DDR2: variants seen among roughly 807,000 people sequenced by gnomAD.
DDR2 encodes discoidin domain-containing receptor 2.
In DDR2, 27 loss-of-function variants were observed where a neutral mutation model predicts 94.9. The ratio of observed to expected loss-of-function variants is 0.28; its 90% CI spans 0.21 to 0.39. The LOEUF is 0.39. DDR2 is among the 10% of genes least tolerant of loss of function. The pLI is 1.00. For missense variants in DDR2, 783 were observed against 1,076.0 expected, an observed-to-expected ratio of 0.73 and a Z score of 3.81; for synonymous variants, 382 against 377.2, an observed-to-expected ratio of 1.01 and a Z score of -0.15.
intron 3 of DDR2, among the ~76,000 whole-genome samples, chr1:162,727,022 AAT>A (rs1661705235): frequency 6.8e-6 from 1 of 147,938 alleles, no homozygotes; most frequent in Admixed American, 6.8e-5. Context: ...AAACAAATAT[AAT>A]ATATATGATA....
Position 162,682,319 on chromosome 1 carries a change from A to G in DDR2, c.-28+26945A>G, listed in dbSNP as rs116766648. On this transcript the variant is annotated intron_variant, in intron 2 of 17. Transcript: ENST00000367921. ...TTTTCTGCCTAAAACTTCTAGGATG[A>G]TAAGGAGAGCACTATTACCCACTGC... Among the ~76,000 whole-genome samples the G allele has an allele frequency of 8.5e-3, 1,297 of 152,268 alleles. 17 individuals carry two copies. Among genetic ancestry groups the G allele is most frequent in the African/African-American group, 0.03 (1,236 of 41,566 alleles).
intron 2 of DDR2, among the ~76,000 whole-genome samples, chr1:162,711,259 A>G (rs554623550): frequency 6.6e-6 from 1 of 152,308 alleles, no homozygotes; most frequent in South Asian, 2.1e-4. Context: ...CAAGGGATGA[A>G]TTACTTTGTA....
chr1:162,672,181 G>T (rs1168620877), intron 2 of DDR2, among the ~76,000 whole-genome samples: 1 of 152,164 alleles, frequency 6.6e-6, no homozygotes, highest in Middle Eastern at 3.2e-3. Flanking sequence ...TTACCAGCTT[G>T]GTAACTGGAA....
chr1:162,727,949 C>G (rs1661778425), intron 3 of DDR2, among the ~76,000 whole-genome samples: 2 of 76,778 alleles, frequency 2.6e-5, no homozygotes, highest in Non-Finnish European at 6.0e-5. Context: ...TCGACAATCA[C>G]ACTATATATA....
At position 162,767,209 on chromosome 1, in the gene DDR2, C is replaced by T. The variant is rs760653949; in HGVS notation, c.1163-20C>T. 6.2e-7 allele frequency: 1 copy of T among 1,613,882 alleles called. No homozygotes were observed. Among genetic ancestry groups the T allele is most frequent in the African/African-American group, 1.3e-5 (1 of 74,912 alleles). ...ACCTGTGAGATGATTGTATTCTCTGCCTTCTCTCCCTGGTCACAGATCCAA... is the reference window on the plus strand; with the variant it reads ...ACCTGTGAGATGATTGTATTCTCTGTCTTCTCTCCCTGGTCACAGATCCAA... On this transcript the variant is annotated intron_variant, in intron 10 of 17. Coordinates refer to ENST00000367921, the MANE Select transcript of DDR2 (RefSeq NM_006182.4).
In DDR2 at chr1:162,778,576, A is replaced by G. The variant is rs1346602206; in HGVS notation, c.2284-4A>G. ...ATTTCCCATTCTTTTCTTTACTTAA[A>G]TAGGGCAAGTTCACTACAGCAAGTG... On this transcript the variant is annotated splice_polypyrimidine_tract_variant and splice_region_variant and intron_variant, in intron 16 of 17. Coordinates refer to ENST00000367921, the MANE Select transcript of DDR2 (RefSeq NM_006182.4). The G allele has an allele frequency of 1.2e-6, 2 of 1,613,952 alleles. No homozygotes were observed.
At chr1:162,633,571 G>C (rs1656663800) in intron 1 of DDR2, among the ~76,000 whole-genome samples, 1 of 152,226 alleles carries the variant, frequency 6.6e-6, no homozygotes. Flanking sequence ...ATCTGTAGTG[G>C]AGCTGAAAAT....
At chr1:162,685,464 T>C (rs1384113862) in intron 2 of DDR2, among the ~76,000 whole-genome samples, 1 of 152,160 alleles carries the variant, frequency 6.6e-6, no homozygotes, top group African/African-American at 2.4e-5. Flanking sequence ...AACTAGCTTT[T>C]TAGACTGGGA....
chr1:162,680,949 T>C (rs747551302), intron 2 of DDR2, among the ~76,000 whole-genome samples: 27 of 152,196 alleles, frequency 1.8e-4, no homozygotes, highest in Non-Finnish European at 3.5e-4. Flanking sequence ...TGGCTTCTTT[T>C]CTGGGAGGAG....
chr1:162,694,232 C>T (rs1660084369), intron 2 of DDR2, among the ~76,000 whole-genome samples: 1 of 152,180 alleles, frequency 6.6e-6, no homozygotes, highest in Admixed American at 6.5e-5. Flanking sequence ...TGCCTAAAAG[C>T]CCTCCAGTGG....
At chr1:162,724,232 G>A (rs1661549073) in intron 3 of DDR2, among the ~76,000 whole-genome samples, 1 of 152,118 alleles carries the variant, frequency 6.6e-6, no homozygotes, top group Non-Finnish European at 1.5e-5. Flanking sequence ...TTCTACCTGG[G>A]CCCTCAGGGA....
chr1:162,757,777 G>A (rs1663530430), intron 7 of DDR2, among the ~76,000 whole-genome samples: 1 of 152,102 alleles, frequency 6.6e-6, no homozygotes, highest in Non-Finnish European at 1.5e-5. Flanking sequence ...GTTCTGCCAA[G>A]TAAAAAGAAT....
Position 162,781,853 on chromosome 1 carries a change from A to G in DDR2, c.*1607A>G, listed in dbSNP as rs1647923043. 6.6e-6 allele frequency: 1 copy of G among 152,250 alleles called. No homozygotes were observed. Among genetic ancestry groups the G allele is most frequent in the Admixed American group, 6.5e-5 (1 of 15,284 alleles). The allele number at this position is 152,250 out of a possible 1,614,324, so 9.4% of individuals were successfully genotyped here. A position where few individuals can be genotyped will look rare whatever the true frequency, so the allele number is the denominator to read the frequency against. The stretch of plus-strand genomic sequence containing the variant: ...GAAAACATTACAAATCAGTTTCCCA[A>G]GCTGAGAAGGATTAGCCTTGACCCC... On this transcript the variant is annotated 3_prime_UTR_variant, in exon 18 of 18. Coordinates refer to ENST00000367921, the MANE Select transcript of DDR2 (RefSeq NM_006182.4).
At chr1:162,678,742 G>A (rs903712639) in intron 2 of DDR2, among the ~76,000 whole-genome samples, 2 of 152,146 alleles carry the variant, frequency 1.3e-5, no homozygotes, top group Non-Finnish European at 2.9e-5. Context: ...AATTTCTAAG[G>A]CTCCCTCGGG....
chr1:162,752,231 T>A (rs1352741456), intron 3 of DDR2, among the ~76,000 whole-genome samples: 3 of 152,174 alleles, frequency 2.0e-5, no homozygotes, highest in African/African-American at 7.2e-5. Flanking sequence ...TATCTGGCAA[T>A]CAGGTGTCCT....
intron 2 of DDR2, among the ~76,000 whole-genome samples, chr1:162,694,577 G>A (rs1660102205): frequency 6.6e-6 from 1 of 152,018 alleles, no homozygotes; most frequent in African/African-American, 2.4e-5. Context: ...ATATCATTTT[G>A]TCATTGATTT....
chr1:162,747,650 C>T (rs1004157825), intron 3 of DDR2, among the ~76,000 whole-genome samples: 12 of 152,016 alleles, frequency 7.9e-5, no homozygotes, highest in African/African-American at 1.5e-4. Flanking sequence ...ATACAGAGAA[C>T]GCCACAAAGA....
intron 3 of DDR2, among the ~76,000 whole-genome samples, chr1:162,751,647 G>T (rs1022964060): frequency 6.6e-6 from 1 of 152,162 alleles, no homozygotes; most frequent in Non-Finnish European, 1.5e-5. Context: ...CCATTACTGG[G>T]TATACACCCA....
At chr1:162,716,468 T>G (rs1220740789) in intron 2 of DDR2, among the ~76,000 whole-genome samples, 2 of 152,210 alleles carry the variant, frequency 1.3e-5, no homozygotes, top group Non-Finnish European at 2.9e-5. Flanking sequence ...TTTCTTTCTC[T>G]GGGCATGTTT....
Sources: gnomAD v4.1 joint callset for allele counts (sites outside exome capture counted in the v4.1 genomes callset) on GRCh38, gnomAD v4.1.1 for gene constraint, MANE v1.5 for transcripts, NCBI Gene and HGNC (gene_info 2026-07-23, HGNC 2026-07-21) for gene names.